Variants in PLXDC2 observed in about 807,000 individuals in gnomAD.
PLXDC2 encodes the protein plexin domain containing 2.
Under a neutral mutation model 68.9 loss-of-function variants are expected in PLXDC2, and 40 were observed. The ratio of observed to expected loss-of-function variants is 0.58; its 90% CI spans 0.45 to 0.76. The LOEUF (loss-of-function observed/expected upper bound fraction) is 0.76, where lower values mean the gene tolerates loss of function less well. Ranked by LOEUF, PLXDC2 falls within the 30% of genes least tolerant of loss-of-function variation. The probability of loss-of-function intolerance (pLI) is 0.00; values close to 1 mark genes in which losing one functional copy is unlikely to be tolerated. For synonymous variants in PLXDC2, 243 were observed against 234.2 expected (o/e 1.04, Z -0.34); for missense variants, 644 against 661.9 (o/e 0.97, Z 0.30).
intron 1 of PLXDC2, among the ~76,000 whole-genome samples, chr10:19,911,782 TA>T: frequency 6.6e-6 from 1 of 152,288 alleles, no homozygotes. Context: ...TTTAGTTCAT[TA>T]AAAAAGAAAA....
At chr10:19,944,988 G>A (rs960707557) in intron 1 of PLXDC2, among the ~76,000 whole-genome samples, 8 of 152,142 alleles carry the variant, frequency 5.3e-5, no homozygotes, top group African/African-American at 1.7e-4. Context: ...AGAAACAGAA[G>A]CATTGGTTAC....
chr10:20,084,556 A>G (rs946867772), intron 4 of PLXDC2, among the ~76,000 whole-genome samples: 5 of 152,052 alleles, frequency 3.3e-5, no homozygotes, highest in African/African-American at 1.2e-4. Context: ...ATCATTCTGA[A>G]TATCTGAGAT....
chr10:20,086,174 T>G (rs1833191152), intron 4 of PLXDC2, among the ~76,000 whole-genome samples: 1 of 151,954 alleles, frequency 6.6e-6, no homozygotes, highest in Non-Finnish European at 1.5e-5. Context: ...TAGTGCTTGT[T>G]GACGAGACAG....
intron 1 of PLXDC2, among the ~76,000 whole-genome samples, chr10:19,906,069 T>A (rs993136843): frequency 3.3e-5 from 5 of 151,558 alleles, no homozygotes; most frequent in Admixed American, 3.3e-4. Flanking sequence ...AGACACAAAC[T>A]AAAGTGAATG....
intron 1 of PLXDC2, among the ~76,000 whole-genome samples, chr10:19,861,024 C>G (rs201132398): frequency 7.1e-5 from 9 of 126,162 alleles, no homozygotes; most frequent in South Asian, 2.5e-4. Flanking sequence ...TTTTTTTTTT[C>G]TTTTTACTTT....
At chr10:19,859,947 C>T (rs1228184449) in intron 1 of PLXDC2, among the ~76,000 whole-genome samples, 1 of 152,028 alleles carries the variant, frequency 6.6e-6, no homozygotes, top group African/African-American at 2.4e-5. Flanking sequence ...GTGCAGGCTG[C>T]TCAAACTCCT....
At chr10:20,272,058 T>C (rs923536585) in intron 13 of PLXDC2, among the ~76,000 whole-genome samples, 6 of 151,964 alleles carry the variant, frequency 3.9e-5, no homozygotes, top group African/African-American at 1.2e-4. Context: ...AAGTGGCCAA[T>C]AGTGGGAAGG....
chr10:19,851,996 A>G (rs1371492613), intron 1 of PLXDC2, among the ~76,000 whole-genome samples: 3 of 152,188 alleles, frequency 2.0e-5, no homozygotes, highest in Admixed American at 6.5e-5. Flanking sequence ...AGGCCACAGA[A>G]AGGTAATCTA....
At chr10:20,044,229 CTTTCTTTCTTT>C (rs1835748434) in intron 2 of PLXDC2, among the ~76,000 whole-genome samples, 6 of 68,764 alleles carry the variant, frequency 8.7e-5, no homozygotes, top group African/African-American at 4.4e-4. Flanking sequence ...TTCTTTCTTT[CTTTCTTTCTTT>C]CTTTCTTTCT....
intron 2 of PLXDC2, among the ~76,000 whole-genome samples, chr10:20,033,201 T>C (rs1002904958): frequency 6.9e-6 from 1 of 144,180 alleles, no homozygotes; most frequent in African/African-American, 2.8e-5. Context: ...TATAAAAAAA[T>C]AAAATAAAAA....
At chr10:20,273,947 G>A (rs1835972534) in intron 13 of PLXDC2, among the ~76,000 whole-genome samples, 1 of 151,988 alleles carries the variant, frequency 6.6e-6, no homozygotes, top group African/African-American at 2.4e-5. Flanking sequence ...GCTGAGGGGG[G>A]AAGATCACTT....
intron 4 of PLXDC2, among the ~76,000 whole-genome samples, chr10:20,116,568 G>C (rs1833625709): frequency 6.6e-6 from 1 of 152,074 alleles, no homozygotes; most frequent in Non-Finnish European, 1.5e-5. Flanking sequence ...GAAGTAAAAA[G>C]GTTGTTAAGG....
chr10:20,072,816 A>G (rs137887862), intron 4 of PLXDC2, among the ~76,000 whole-genome samples: 1 of 152,216 alleles, frequency 6.6e-6, no homozygotes, highest in African/African-American at 2.4e-5. Flanking sequence ...ACTTCCAGAC[A>G]AAAGGATCCA....
At position 20,071,709 on chromosome 10, in the gene PLXDC2, G is replaced by A. The variant is rs146546316; in HGVS notation, c.541+3470G>A. Reference sequence around the variant, plus strand: ...GAAAAGACTAATACAGGCATGCTGCGAATAAGCAATAGAGAAGGCTGACTG... The same window carrying A: ...GAAAAGACTAATACAGGCATGCTGCAAATAAGCAATAGAGAAGGCTGACTG... On this transcript the variant is annotated intron_variant, in intron 4 of 13. Transcript: ENST00000377252. Among the ~76,000 whole-genome samples the A allele has an allele frequency of 2.5e-3, 387 of 152,280 alleles. 1 individual carries two copies. Among genetic ancestry groups the A allele is most frequent in the Non-Finnish European group, 4.0e-3 (269 of 68,028 alleles).
chr10:20,219,087 C>A lies in PLXDC2; in HGVS notation c.1297C>A (p.Leu433Ile). 1.9e-6 allele frequency: 3 copies of A among 1,606,748 alleles called. No individual in the cohort carries two copies. Among genetic ancestry groups the A allele is most frequent in the Non-Finnish European group, 2.6e-6 (3 of 1,176,362 alleles). ...TEDDTKIALHLKDNGASTDDS... is the reference protein window; with the variant it reads ...TEDDTKIALHIKDNGASTDDS... ...AGATGATACCAAGATAGCACTACAT[C>A]TAAAAGATAATGGAGGTAGGAATTG... The change falls in exon 12 of 14, where the codon CTA becomes ATA. Residue 433 changes from leucine to isoleucine, a missense_variant. By Grantham distance (5) the Leu-to-Ile change is conservative (BLOSUM62 2). This residue lies in a region of PLXDC2 where 330 missense variants were observed against 327.9 expected (regional missense o/e 1.01). Coordinates refer to ENST00000377252, the MANE Select transcript of PLXDC2 (RefSeq NM_032812.9).
chr10:20,227,988 A>G (rs1013420671), intron 12 of PLXDC2, among the ~76,000 whole-genome samples: 14 of 152,166 alleles, frequency 9.2e-5, no homozygotes, highest in African/African-American at 3.4e-4. Context: ...ACGTCATAGG[A>G]AAGTGACGAA....
chr10:20,159,790 A>G (rs539735568), intron 6 of PLXDC2, among the ~76,000 whole-genome samples: 4 of 152,274 alleles, frequency 2.6e-5, no homozygotes, highest in South Asian at 4.1e-4. Flanking sequence ...AGCCCTTTAC[A>G]TGTGCCGGTA....
Position 20,177,351 on chromosome 10 carries a change from G to A in PLXDC2, c.1003G>A (p.Gly335Ser). Residue 335 changes from glycine to serine, a missense_variant, in exon 9 of 14, where the codon GGC (glycine) becomes AGC (serine). Around this residue, in one of 3 missense-constraint regions of PLXDC2, gnomAD observed 330 missense variants for 327.9 expected, o/e 1.01. Transcript: ENST00000377252. ...LPTCLQFNRCGPCVSSQIGFN... is the reference protein window; with the variant it reads ...LPTCLQFNRCSPCVSSQIGFN... Reference sequence around the variant, plus strand: ...AGCATGCCTCCAGTTTAACAGATGTGGCCCCTGTGTATCTTCTCAGATTGG... The same window carrying A: ...AGCATGCCTCCAGTTTAACAGATGTAGCCCCTGTGTATCTTCTCAGATTGG... 2 of 1,605,636 alleles carry A rather than the reference G, an allele frequency of 1.2e-6. No homozygotes were observed. Among genetic ancestry groups the A allele is most frequent in the Non-Finnish European group, 1.7e-6 (2 of 1,172,928 alleles).
chr10:19,850,278 G>A (rs1361575758), intron 1 of PLXDC2, among the ~76,000 whole-genome samples: 2 of 142,788 alleles, frequency 1.4e-5, no homozygotes, highest in South Asian at 4.5e-4. Context: ...TAACTGATAG[G>A]TTTTTTTTTT....
Sources: gnomAD v4.1 joint callset for allele counts (sites outside exome capture counted in the v4.1 genomes callset) on GRCh38, gnomAD v4.1.1 for gene constraint, gnomAD v4.1.1 regional missense constraint, MANE v1.5 for transcripts, NCBI Gene and HGNC (gene_info 2026-07-23, HGNC 2026-07-21) for gene names.